The following TNS3 variants were observed in gnomAD, a reference collection of about 807,000 sequenced individuals.
The protein encoded by TNS3 is tensin 3.
TNS3 carries 45 observed loss-of-function variants against 140.9 expected under a neutral mutation model. The ratio of observed to expected loss-of-function variants is 0.32; its 90% confidence interval spans 0.25 to 0.41. The LOEUF is 0.41. TNS3 is among the 10% of genes least tolerant of loss of function. The probability of loss-of-function intolerance (pLI) is 1.00; values close to 1 mark genes in which losing one functional copy is unlikely to be tolerated. For missense variants in TNS3, 1,716 were observed against 1,906.7 expected, an observed-to-expected ratio of 0.90 and a Z score of 1.86; for synonymous variants, 815 against 788.4, an observed-to-expected ratio of 1.03 and a Z score of -0.56.
rs74900040 is a variant in TNS3, at chr7:47,464,451, C to A, written c.-76+16652G>T. Among the ~76,000 whole-genome samples, 1,265 of 152,254 alleles carry A rather than the reference C, an allele frequency of 8.3e-3. 22 individuals are homozygous for A. The highest frequency in any genetic ancestry group is 0.029 in the African/African-American group (1,206 of 41,514). ...GTTCTCAGTAACCCTACGCCCCGAGCACCCTCAACACCCCTAGGATTGCTC... is the reference window on the plus strand; with the variant it reads ...GTTCTCAGTAACCCTACGCCCCGAGAACCCTCAACACCCCTAGGATTGCTC... On this transcript the variant is annotated intron_variant, in intron 4 of 30. Transcript: ENST00000311160.
intron 3 of TNS3, among the ~76,000 whole-genome samples, chr7:47,493,833 A>C (rs565375599): frequency 2.0e-5 from 3 of 152,218 alleles, no homozygotes; most frequent in South Asian, 2.1e-4. Flanking sequence ...GTCTCAAAAA[A>C]AAAAAAAAGC....
intron 1 of TNS3, among the ~76,000 whole-genome samples, chr7:47,542,500 T>C (rs1039184655): frequency 1.3e-5 from 2 of 152,150 alleles, no homozygotes; most frequent in Non-Finnish European, 2.9e-5. Context: ...CCAGATACTC[T>C]GGGCAGATGA....
At chr7:47,464,769 G>A (rs934069426) in intron 4 of TNS3, among the ~76,000 whole-genome samples, 3 of 152,118 alleles carry the variant, frequency 2.0e-5, no homozygotes, top group Non-Finnish European at 2.9e-5. Context: ...CATGCAATGC[G>A]GGCTTCATTA....
intron 1 of TNS3, among the ~76,000 whole-genome samples, chr7:47,575,472 A>G (rs779203018): frequency 8.5e-5 from 13 of 152,222 alleles, no homozygotes; most frequent in Non-Finnish European, 1.5e-4. Flanking sequence ...CAATGAGCAC[A>G]TATTACAAGA....
chr7:47,360,277 T>C (rs1790238592), intron 17 of TNS3, among the ~76,000 whole-genome samples: 1 of 152,128 alleles, frequency 6.6e-6, no homozygotes, highest in African/African-American at 2.4e-5. Context: ...CATCGGGGTC[T>C]GAAGGTGGAG....
rs552233793 is a variant in TNS3 at position 47,552,864 on chromosome 7, CCAAA to C, written c.-264-23721_-264-23718del. Reference sequence around the variant, plus strand: ...CAGGCTAAAAGCCAGGCCTCTCATGCCAAACAGTTAGCCAAGGTGCAAATGCAAA... The same window carrying C: ...CAGGCTAAAAGCCAGGCCTCTCATGCCAGTTAGCCAAGGTGCAAATGCAAA... On this transcript the variant is annotated intron_variant, in intron 1 of 30. Coordinates refer to ENST00000311160, the MANE Select transcript of TNS3 (RefSeq NM_022748.12). 4.6e-5 allele frequency among the ~76,000 whole-genome samples: 7 copies of C among 152,312 alleles called. No individual in the cohort carries two copies. The South Asian group carries it at 1.4e-3, about 32-fold the overall frequency.
At chr7:47,503,358 C>A (rs545428725) in intron 3 of TNS3, among the ~76,000 whole-genome samples, 14 of 152,058 alleles carry the variant, frequency 9.2e-5, no homozygotes, top group East Asian at 5.9e-4. Context: ...CACCACCTGC[C>A]ACCCTTTCCT....
At chr7:47,284,005 C>A in intron 27 of TNS3, 140 bp from the exon 28 acceptor site, 1 of 686,876 alleles carries the variant, frequency 1.5e-6, no homozygotes. Flanking sequence ...GCATGTAAGG[C>A]AGATGGCCTT....
intron 1 of TNS3, among the ~76,000 whole-genome samples, chr7:47,567,914 G>A (rs2152010223): frequency 6.6e-6 from 1 of 152,298 alleles, no homozygotes; most frequent in East Asian, 1.9e-4. Context: ...GGAACAAGCT[G>A]GGCCTAACAT....
chr7:47,314,756 G>A (rs1787297698), intron 20 of TNS3, among the ~76,000 whole-genome samples: 1 of 152,196 alleles, frequency 6.6e-6, no homozygotes, highest in Non-Finnish European at 1.5e-5. Flanking sequence ...AGATGGCCCG[G>A]GGTGGGGATG....
chr7:47,410,612 A>T (rs187377417), intron 13 of TNS3, among the ~76,000 whole-genome samples: 13 of 152,348 alleles, frequency 8.5e-5, no homozygotes, highest in Non-Finnish European at 1.6e-4. Flanking sequence ...CAGGACCAGC[A>T]AGGTAGGGAG....
intron 16 of TNS3, among the ~76,000 whole-genome samples, chr7:47,383,058 A>T (rs557112083): frequency 6.6e-6 from 1 of 152,340 alleles, no homozygotes; most frequent in East Asian, 1.9e-4. Context: ...AATTTCAAAA[A>T]GTAGTGGGAA....
At chr7:47,532,721 C>T (rs1285207983) in intron 1 of TNS3, among the ~76,000 whole-genome samples, 1 of 152,114 alleles carries the variant, frequency 6.6e-6, no homozygotes, top group African/African-American at 2.4e-5. Context: ...GTGCCACTGG[C>T]CACAGAGGTT....
intron 20 of TNS3, among the ~76,000 whole-genome samples, chr7:47,305,323 C>A (rs1786683795): frequency 6.6e-6 from 1 of 152,226 alleles, no homozygotes; most frequent in South Asian, 2.1e-4. Flanking sequence ...GGCTGGTCCT[C>A]CCAGCCCCAT....
intron 16 of TNS3, among the ~76,000 whole-genome samples, chr7:47,392,963 C>A (rs919254896): frequency 2.0e-5 from 3 of 152,326 alleles, no homozygotes; most frequent in South Asian, 2.1e-4. Context: ...GGAAACCCTG[C>A]AGGAGTGCAG....
intron 8 of TNS3, among the ~76,000 whole-genome samples, chr7:47,431,573 C>T (rs1794931697): frequency 6.6e-6 from 1 of 152,138 alleles, no homozygotes; most frequent in Non-Finnish European, 1.5e-5. Flanking sequence ...AGCCTGGTGA[C>T]AGAGTGAGAC....
intron 1 of TNS3, among the ~76,000 whole-genome samples, chr7:47,570,016 G>T (rs906668230): frequency 1.3e-5 from 2 of 152,142 alleles, no homozygotes; most frequent in African/African-American, 4.8e-5. Flanking sequence ...CAGGCGTGGT[G>T]GCAGGCGCCT....
intron 17 of TNS3, among the ~76,000 whole-genome samples, chr7:47,351,330 A>C (rs1368351768): frequency 1.3e-5 from 2 of 152,200 alleles, no homozygotes. Context: ...ATATGCTCAG[A>C]GGAGATGTGG....
chr7:47,307,124 T>C (rs1786807077), intron 20 of TNS3, among the ~76,000 whole-genome samples: 1 of 152,224 alleles, frequency 6.6e-6, no homozygotes. Flanking sequence ...ACCATCATCA[T>C]GATTGAGATA....
Sources: allele counts gnomAD v4.1 joint callset (sites outside exome capture counted in the v4.1 genomes callset), GRCh38; gene constraint gnomAD v4.1.1; transcripts MANE v1.5; gene names NCBI Gene and HGNC (gene_info 2026-07-23, HGNC 2026-07-21).